WDPCP: variants seen among roughly 807,000 people sequenced by gnomAD.
WDPCP encodes the protein WD repeat containing planar cell polarity effector.
In WDPCP, 71 loss-of-function variants were observed where a neutral mutation model predicts 93.1. That is an observed-to-expected ratio of 0.76 (90% CI 0.63 to 0.93). WDPCP has a LOEUF of 0.93. Among genes scored for constraint, WDPCP ranks in the 40% least tolerant of loss-of-function variants. The pLI is 0.00. For missense variants in WDPCP, 844 were observed against 887.4 expected, an observed-to-expected ratio of 0.95 and a Z score of 0.62; for synonymous variants, 315 against 315.0, an observed-to-expected ratio of 1.00 and a Z score of 0.00.
chr2:63,234,995 C>A (rs776991933), intron 14 of WDPCP, among the ~76,000 whole-genome samples: 2 of 151,996 alleles, frequency 1.3e-5, no homozygotes, highest in Non-Finnish European at 2.9e-5. Flanking sequence ...AGCTAAATAA[C>A]TAAAATTAGA....
intron 12 of WDPCP, among the ~76,000 whole-genome samples, chr2:63,354,256 T>C (rs893379016): frequency 5.9e-5 from 9 of 152,190 alleles, no homozygotes; most frequent in African/African-American, 1.9e-4. Context: ...CTGGGCTGAT[T>C]GCACTGAGTG....
At chr2:63,136,002 G>T (rs1670591583) in intron 17 of WDPCP, among the ~76,000 whole-genome samples, 1 of 152,196 alleles carries the variant, frequency 6.6e-6, no homozygotes, top group South Asian at 2.1e-4. Context: ...CAAAGTGCTA[G>T]GATTACAGGT....
At chr2:63,430,984 C>A (rs540993205) in intron 9 of WDPCP, among the ~76,000 whole-genome samples, 102 of 152,252 alleles carry the variant, frequency 6.7e-4, no homozygotes, top group African/African-American at 2.3e-3. Flanking sequence ...CTCTGAAAAT[C>A]ACATAATTCA....
chr2:63,637,593 C>A (rs1047908795), intron 3 of WDPCP, among the ~76,000 whole-genome samples: 6 of 151,864 alleles, frequency 4.0e-5, no homozygotes, highest in African/African-American at 1.2e-4. Flanking sequence ...ACAATAAATA[C>A]ACAAATAATC....
intron 1 of WDPCP, among the ~76,000 whole-genome samples, chr2:63,513,288 C>T (rs1051226403): frequency 6.6e-6 from 1 of 151,990 alleles, no homozygotes; most frequent in African/African-American, 2.4e-5. Flanking sequence ...ATATTTACAT[C>T]GTTAGAAAAA....
At chr2:63,167,412 G>GT in intron 15 of WDPCP, among the ~76,000 whole-genome samples, 1 of 151,744 alleles carries the variant, frequency 6.6e-6, no homozygotes, top group Admixed American at 6.6e-5. Context: ...GTGCTTAGTG[G>GT]TATCAGTTTT....
At chr2:63,618,980 C>T (rs1040458944) in intron 3 of WDPCP, among the ~76,000 whole-genome samples, 11 of 152,106 alleles carry the variant, frequency 7.2e-5, no homozygotes, top group South Asian at 2.1e-4. Context: ...TGAGCCACTG[C>T]GTCCAGCCTG....
At chr2:63,575,399 G>A (rs369507994) in intron 1 of WDPCP, among the ~76,000 whole-genome samples, 1 of 21,374 alleles carries the variant, frequency 4.7e-5, no homozygotes, top group Non-Finnish European at 1.3e-4. Flanking sequence ...GGTATATACA[G>A]TATATATACA....
chr2:63,519,619 C>G (rs1433407522), intron 1 of WDPCP, among the ~76,000 whole-genome samples: 1 of 151,988 alleles, frequency 6.6e-6, no homozygotes, highest in African/African-American at 2.4e-5. Context: ...AGCATGCAGC[C>G]CAGGAATCAG....
intron 12 of WDPCP, among the ~76,000 whole-genome samples, chr2:63,333,948 A>G (rs1222681404): frequency 6.6e-6 from 1 of 152,210 alleles, no homozygotes; most frequent in Non-Finnish European, 1.5e-5. Context: ...TGAAATAATG[A>G]AGGGGAAATA....
chr2:63,310,832 C>G (rs1026018109), intron 13 of WDPCP, among the ~76,000 whole-genome samples: 1 of 152,094 alleles, frequency 6.6e-6, no homozygotes, highest in Non-Finnish European at 1.5e-5. Context: ...GCATTCCAAC[C>G]TAAGTGAAAA....
At chr2:63,292,875 A>C (rs975591978) in intron 13 of WDPCP, among the ~76,000 whole-genome samples, 2 of 152,186 alleles carry the variant, frequency 1.3e-5, no homozygotes, top group African/African-American at 2.4e-5. Context: ...GGTAAATTGC[A>C]GTTAATTTTC....
chr2:63,417,328 T>A (rs1338221608), intron 9 of WDPCP, among the ~76,000 whole-genome samples: 2 of 152,234 alleles, frequency 1.3e-5, no homozygotes, highest in African/African-American at 4.8e-5. Context: ...AATTGATTTA[T>A]GAAATTTAAC....
chr2:63,327,426 A>AC (rs1338517250), intron 12 of WDPCP, among the ~76,000 whole-genome samples: 1 of 152,214 alleles, frequency 6.6e-6, no homozygotes, highest in East Asian at 1.9e-4. Flanking sequence ...TTATCCTATT[A>AC]CCACACACTC....
chr2:63,723,943 G>C (rs1669463210), intron 2 of WDPCP, among the ~76,000 whole-genome samples: 1 of 152,164 alleles, frequency 6.6e-6, no homozygotes, highest in Admixed American at 6.5e-5. Flanking sequence ...TTGAACTCTG[G>C]CTCTGGGCCT....
At chr2:63,148,848 G>T (rs1254740366) in intron 17 of WDPCP, among the ~76,000 whole-genome samples, 1 of 107,120 alleles carries the variant, frequency 9.3e-6, no homozygotes, top group Non-Finnish European at 1.9e-5. Context: ...AGGGTTAAAA[G>T]GACACAGGAG....
At chr2:63,147,894 G>T (rs539613218) in intron 17 of WDPCP, among the ~76,000 whole-genome samples, 2 of 151,060 alleles carry the variant, frequency 1.3e-5, no homozygotes. Flanking sequence ...GCTTGAACCC[G>T]GAGGCAGAGG....
chr2:63,699,301 T>C (rs1669010985), intron 2 of WDPCP, among the ~76,000 whole-genome samples: 2 of 152,234 alleles, frequency 1.3e-5, no homozygotes, highest in Admixed American at 6.5e-5. Context: ...TCACAGATTG[T>C]AATGAAATTA....
At chr2:63,508,115 C>T (rs1438326544) in intron 1 of WDPCP, among the ~76,000 whole-genome samples, 1 of 152,020 alleles carries the variant, frequency 6.6e-6, no homozygotes. Flanking sequence ...AGAAGAGCAA[C>T]CCCAAGACAA....
Sources: gnomAD v4.1 joint callset for allele counts (sites outside exome capture counted in the v4.1 genomes callset) on GRCh38, gnomAD v4.1.1 for gene constraint, MANE v1.5 for transcripts, NCBI Gene and HGNC (gene_info 2026-07-23, HGNC 2026-07-21) for gene names.